The following ENPP3 variants were observed in gnomAD, a reference collection of about 807,000 sequenced individuals.
ENPP3 encodes ectonucleotide pyrophosphatase/phosphodiesterase family member 3.
Under a neutral mutation model 117.8 loss-of-function variants are expected in ENPP3, and 104 were observed. The ratio of observed to expected loss-of-function variants is 0.88; its 90% CI spans 0.75 to 1.04. ENPP3 has a LOEUF of 1.04. ENPP3 is among the 50% of genes least tolerant of loss of function. The probability of loss-of-function intolerance (pLI) is 0.00; values close to 1 mark genes in which losing one functional copy is unlikely to be tolerated. For synonymous variants in ENPP3, 380 were observed against 349.9 expected (o/e 1.09, Z -0.96); for missense variants, 1,026 against 1,051.9 (o/e 0.98, Z 0.34).
chr6:131,711,387 C>A (rs1779787821), intron 15 of ENPP3, among the ~76,000 whole-genome samples: 1 of 141,188 alleles, frequency 7.1e-6, no homozygotes, highest in Non-Finnish European at 1.5e-5. Context: ...TACATAATCT[C>A]TGGTTTTGGT....
chr6:131,644,708 G>A (rs140266745), intron 2 of ENPP3, among the ~76,000 whole-genome samples: 4 of 152,300 alleles, frequency 2.6e-5, no homozygotes, highest in Non-Finnish European at 5.9e-5. Context: ...GAACATATGA[G>A]GCTAGCTTTA....
At chr6:131,703,677 G>A (rs1162108869) in intron 15 of ENPP3, among the ~76,000 whole-genome samples, 1 of 149,390 alleles carries the variant, frequency 6.7e-6, no homozygotes, top group Non-Finnish European at 1.5e-5. Flanking sequence ...TCTTCATATA[G>A]AAAAGGCAAA....
At chr6:131,734,827 G>A (rs1780361353) in intron 21 of ENPP3, among the ~76,000 whole-genome samples, 1 of 151,508 alleles carries the variant, frequency 6.6e-6, no homozygotes. Flanking sequence ...GCTTGAACCC[G>A]GTAGGTGGAG....
chr6:131,659,810 T>C (rs1388177105), intron 6 of ENPP3, among the ~76,000 whole-genome samples: 2 of 152,202 alleles, frequency 1.3e-5, no homozygotes. Context: ...AGTTTCTATC[T>C]TCTTATCTAA....
In ENPP3 at chr6:131,650,522, C is replaced by A. The variant is rs150962500; in HGVS notation, c.277+373C>A. ...ATAGGCATGAACCACTATGCCAGGG[C>A]TGTGTCCAAATTTTCACCTACATAC... On this transcript the variant is annotated intron_variant, in intron 3 of 24. Transcript: ENST00000357639. Among the ~76,000 whole-genome samples, 772 of 152,302 alleles carry A rather than the reference C, an allele frequency of 5.1e-3. 3 individuals are homozygous for A. The highest frequency in any genetic ancestry group is 8.8e-3 in the Non-Finnish European group (597 of 68,022).
At chr6:131,693,112 G>A (rs937337152) in intron 14 of ENPP3, among the ~76,000 whole-genome samples, 3 of 143,262 alleles carry the variant, frequency 2.1e-5, no homozygotes, top group Non-Finnish European at 4.5e-5. Flanking sequence ...TATATATATG[G>A]TTATATACAC....
chr6:131,744,310 G>A (rs964610799), intron 24 of ENPP3, among the ~76,000 whole-genome samples: 2 of 152,110 alleles, frequency 1.3e-5, no homozygotes, highest in African/African-American at 4.8e-5. Flanking sequence ...ATTAGTCCAA[G>A]TGACTTTCAT....
At chr6:131,658,454 T>C (rs1778431639) in intron 6 of ENPP3, 34 bp downstream of exon 6, 2 of 1,085,666 alleles carry the variant, frequency 1.8e-6, no homozygotes, top group Admixed American at 3.4e-5. Context: ...ATGCAAATGA[T>C]AAAGACACCT....
rs367662326 is a variant in ENPP3 at position 131,723,827 on chromosome 6, T to TCTCACACA, written c.1747-212_1747-211insTCACACAC. 1.2e-3 allele frequency among the ~76,000 whole-genome samples: 181 copies of TCTCACACA among 145,934 alleles called. 1 individual carries two copies. Among genetic ancestry groups the TCTCACACA allele is most frequent in the African/African-American group, 4.5e-3 (172 of 38,564 alleles). ...TTCTCTCTCTCTCTCTCTCTCTCTC[T>TCTCACACA]CACACACACACACACACACACACAC... On this transcript the variant is annotated intron_variant, in intron 18 of 24. Coordinates refer to ENST00000357639, the MANE Select transcript of ENPP3 (RefSeq NM_005021.5).
intron 2 of ENPP3, among the ~76,000 whole-genome samples, chr6:131,642,625 G>T (rs1178897815): frequency 1.3e-5 from 2 of 152,112 alleles, no homozygotes; most frequent in Non-Finnish European, 2.9e-5. Flanking sequence ...CAGGCTGAGT[G>T]CAGTGGTGTG....
At chr6:131,637,654 G>A (rs1585601647) in intron 1 of ENPP3, among the ~76,000 whole-genome samples, 192 bp downstream of exon 1, 1 of 152,250 alleles carries the variant, frequency 6.6e-6, no homozygotes, top group South Asian at 2.1e-4. Flanking sequence ...AGAAATTTGA[G>A]TAACAACAAG....
At chr6:131,723,021 A>C (rs1156288539) in intron 18 of ENPP3, among the ~76,000 whole-genome samples, 1 of 152,202 alleles carries the variant, frequency 6.6e-6, no homozygotes, top group Non-Finnish European at 1.5e-5. Context: ...GCAGCTCAAA[A>C]TATAAGGACC....
rs780435581 is a variant in ENPP3 at position 131,722,340 on chromosome 6, G to A, written c.1681G>A (p.Val561Ile). The A allele has an allele frequency of 8.1e-6, 13 of 1,614,064 alleles. No individual in the cohort carries two copies. The highest frequency in any genetic ancestry group is 8.5e-6 in the Non-Finnish European group (10 of 1,179,986). The change falls in exon 18 of 25, where the codon GTT becomes ATT. Residue 561 changes from valine (V) to isoleucine (I), a missense_variant. By Grantham distance (29) the Val-to-Ile change is conservative. Transcript: ENST00000357639. Reference sequence around the variant, plus strand: ...TGCAGAGGAGGTGTCAAAGTTTTCTGTTTGTGGCTTTGCTAATCCATTGCC... The same window carrying A: ...TGCAGAGGAGGTGTCAAAGTTTTCTATTTGTGGCTTTGCTAATCCATTGCC... ...SHAEEVSKFSVCGFANPLPTE... is the reference protein window; with the variant it reads ...SHAEEVSKFSICGFANPLPTE...
At chr6:131,701,273 G>A (rs1335366404) in intron 15 of ENPP3, 1 of 1,489,024 alleles carries the variant, frequency 6.7e-7, no homozygotes, top group Non-Finnish European at 9.2e-7. Flanking sequence ...GCCCCAGTAT[G>A]GTCCCGTTCC....
At chr6:131,643,572 A>G (rs1404610150) in intron 2 of ENPP3, among the ~76,000 whole-genome samples, 1 of 151,802 alleles carries the variant, frequency 6.6e-6, no homozygotes. Context: ...TCATTTTTCC[A>G]CCGCATCTAT....
At chr6:131,684,776 A>AT (rs1482748399) in intron 12 of ENPP3, among the ~76,000 whole-genome samples, 8 of 152,134 alleles carry the variant, frequency 5.3e-5, no homozygotes, top group Non-Finnish European at 1.0e-4. Flanking sequence ...CCTTATATAA[A>AT]TTTAAATTAC....
At chr6:131,679,526 T>TC (rs1778976648) in intron 11 of ENPP3, among the ~76,000 whole-genome samples, 1 of 151,772 alleles carries the variant, frequency 6.6e-6, no homozygotes, top group South Asian at 2.1e-4. Flanking sequence ...TTTTTTTTTT[T>TC]TTCCATTCAG....
Position 131,685,765 on chromosome 6 carries a change from G to C in ENPP3, c.1253-111G>C, listed in dbSNP as rs532531120. The C allele has an allele frequency of 1.0e-5, 7 of 670,176 alleles. No individual in the cohort carries two copies. In the African/African-American group the frequency reaches 1.1e-4, roughly 10 times the overall value. The allele number at this position is 670,176 out of a possible 1,614,324, so 41.5% of individuals were successfully genotyped here. On this transcript the variant is annotated intron_variant, in intron 13 of 24. Transcript: ENST00000357639. ...AATAATTTTTAATATAATTTTACCA[G>C]ATCACAGTTATTAATAAGTGAATGT...
intron 14 of ENPP3, among the ~76,000 whole-genome samples, chr6:131,688,257 C>T (rs757299146): frequency 2.6e-5 from 4 of 152,118 alleles, no homozygotes; most frequent in African/African-American, 9.7e-5. Context: ...GGCTGTTTCC[C>T]GTCCCCCTCC....
Sources: allele counts gnomAD v4.1 joint callset (sites outside exome capture counted in the v4.1 genomes callset), GRCh38; gene constraint gnomAD v4.1.1; transcripts MANE v1.5; gene names NCBI Gene and HGNC (gene_info 2026-07-23, HGNC 2026-07-21).